The following MAPK6 variants were observed in gnomAD, a reference collection of about 807,000 sequenced individuals.
MAPK6 encodes ERK-3.
In MAPK6, 19 loss-of-function variants were observed where a neutral mutation model predicts 59.3. The ratio of observed to expected loss-of-function variants is 0.32; its 90% CI spans 0.22 to 0.47. The LOEUF is 0.47. MAPK6 is among the 20% of genes least tolerant of loss of function. The pLI is 1.00. For synonymous variants in MAPK6, 316 were observed against 290.3 expected (o/e 1.09, Z -0.90); for missense variants, 724 against 847.9 (o/e 0.85, Z 1.81).
chr15:51,974,715 A>ATTTC (rs2057152421), intron 1 of MAPK6, among the ~76,000 whole-genome samples: 1 of 149,132 alleles, frequency 6.7e-6, no homozygotes, highest in South Asian at 2.1e-4. Flanking sequence ...GGAATGGAGA[A>ATTTC]TTTCTTTTTT....
At chr15:51,973,003 T>C (rs1271659911) in intron 1 of MAPK6, among the ~76,000 whole-genome samples, 1 of 151,744 alleles carries the variant, frequency 6.6e-6, no homozygotes, top group Non-Finnish European at 1.5e-5. Context: ...AGTAAGGCTC[T>C]GTTTCTTAGA....
Position 52,058,141 on chromosome 15 carries a change from C to G in MAPK6, c.701-492C>G, listed in dbSNP as rs529545422. ...ACCACCTATTTAGCCTAAAGTTTCC[C>G]CCTTTATTTCTTTCATTGCCTAACA... On this transcript the variant is annotated intron_variant, in intron 3 of 5. Coordinates refer to ENST00000261845, the MANE Select transcript of MAPK6 (RefSeq NM_002748.4). 3.8e-4 allele frequency among the ~76,000 whole-genome samples: 58 copies of G among 152,270 alleles called. 1 individual carries two copies. The South Asian group carries it at 0.011, about 29-fold the overall frequency.
intron 1 of MAPK6, among the ~76,000 whole-genome samples, chr15:52,030,457 G>A (rs1219313082): frequency 1.3e-5 from 2 of 152,084 alleles, no homozygotes; most frequent in South Asian, 2.1e-4. Flanking sequence ...ATTGTACCCA[G>A]TGTAACGTGA....
intron 1 of MAPK6, among the ~76,000 whole-genome samples, chr15:51,977,366 C>A (rs17649820): frequency 2.2e-4 from 33 of 151,620 alleles, no homozygotes; most frequent in East Asian, 1.7e-3. Flanking sequence ...TAATGGTATC[C>A]GAAGGAAACT....
At chr15:52,027,916 G>A (rs1227632600) in intron 1 of MAPK6, 1 of 150,146 alleles carries the variant, frequency 6.7e-6, no homozygotes, top group South Asian at 2.1e-4. Flanking sequence ...GGGACTGCAG[G>A]TGCCCACCAC....
At position 52,046,739 on chromosome 15, in the gene MAPK6, C is replaced by T. The variant is rs147851662; in HGVS notation, c.279C>T (p.Asp93=). Reference sequence around the variant, plus strand: ...GTCCCAGTGGAAGCCAATTAACAGACGATGTGGGCTCTCTTACGGAACTGA... The same window carrying T: ...GTCCCAGTGGAAGCCAATTAACAGATGATGTGGGCTCTCTTACGGAACTGA... ...ILGPSGSQLT[D]DVGSLTELNS... The change falls in exon 2 of 6, where the codon GAC becomes GAT. Residue 93 remains aspartate (D), a synonymous_variant. Coordinates refer to ENST00000261845, the MANE Select transcript of MAPK6 (RefSeq NM_002748.4). 6 of 1,614,186 alleles carry T rather than the reference C, an allele frequency of 3.7e-6. No homozygotes were observed. The highest frequency in any genetic ancestry group is 2.2e-5 in the East Asian group (1 of 44,890).
rs79993337 is a variant in MAPK6 at position 51,974,067 on chromosome 15, A to G, written c.-880+2161A>G. Among the ~76,000 whole-genome samples the G allele has an allele frequency of 2.5e-3, 382 of 152,012 alleles. 4 individuals carry two copies. The highest frequency in any genetic ancestry group is 8.7e-3 in the African/African-American group (361 of 41,554). ...AAATCAATCACAATCATTTTGCAGT[A>G]TTTCTTACCTGAGGTTATCACTTTG... On this transcript the variant is annotated intron_variant, in intron 1 of 7. Coordinates refer to the MAPK6 transcript ENST00000691380.
chr15:51,973,965 A>C (rs1224841432), intron 1 of MAPK6, among the ~76,000 whole-genome samples: 1 of 151,702 alleles, frequency 6.6e-6, no homozygotes. Flanking sequence ...TTTTGGTTAC[A>C]CTTTATGCTG....
At position 52,052,333 on chromosome 15, in the gene MAPK6, G is replaced by A. The variant is rs561332192; in HGVS notation, c.700+2196G>A. Among the ~76,000 whole-genome samples the A allele has an allele frequency of 7.2e-5, 11 of 152,280 alleles. No individual in the cohort carries two copies. The South Asian group carries it at 2.3e-3, about 32-fold the overall frequency. The stretch of plus-strand genomic sequence containing the variant: ...GCTTGAGTGTCTTCATAATATGGTG[G>A]CTGGCTTCCTCTAGAACCAGTGATC... On this transcript the variant is annotated intron_variant, in intron 3 of 5. Coordinates refer to ENST00000261845, the MANE Select transcript of MAPK6 (RefSeq NM_002748.4).
At chr15:52,008,997 C>G (rs1204880241) in intron 3 of MAPK6, among the ~76,000 whole-genome samples, 3 of 152,314 alleles carry the variant, frequency 2.0e-5, no homozygotes, top group African/African-American at 7.2e-5. Flanking sequence ...GGCAGACCTA[C>G]TAAGCCTACC....
intron 3 of MAPK6, among the ~76,000 whole-genome samples, chr15:52,054,482 A>G (rs1386377196): frequency 6.6e-6 from 1 of 152,130 alleles, no homozygotes; most frequent in East Asian, 1.9e-4. Flanking sequence ...TTATCTTGAC[A>G]CTTTCATAAA....
intron 2 of MAPK6, among the ~76,000 whole-genome samples, chr15:51,997,483 C>G (rs545640838): frequency 6.6e-6 from 1 of 151,968 alleles, no homozygotes; most frequent in African/African-American, 2.4e-5. Flanking sequence ...GTCTCGAATT[C>G]CTGACCTCAA....
At chr15:52,039,267 G>A (rs2031337604) in intron 1 of MAPK6, among the ~76,000 whole-genome samples, 1 of 152,140 alleles carries the variant, frequency 6.6e-6, no homozygotes, top group African/African-American at 2.4e-5. Flanking sequence ...AAGTGCATGA[G>A]CCACCACGCC....
At chr15:52,026,581 C>T (rs571598587) in intron 1 of MAPK6, among the ~76,000 whole-genome samples, 89 of 152,160 alleles carry the variant, frequency 5.8e-4, no homozygotes, top group South Asian at 2.1e-3. Flanking sequence ...CGTGAGCCAC[C>T]GTGCCTGGCC....
rs28832044 is a variant in MAPK6, at chr15:51,996,955, T to C, written c.-769-7310T>C. Among the ~76,000 whole-genome samples the C allele has an allele frequency of 9.9e-3, 1,501 of 152,008 alleles. 26 individuals carry two copies. Among genetic ancestry groups the C allele is most frequent in the African/African-American group, 0.035 (1,445 of 41,460 alleles). On this transcript the variant is annotated intron_variant, in intron 2 of 7. Coordinates refer to the MAPK6 transcript ENST00000691380. The stretch of plus-strand genomic sequence containing the variant: ...GCCTTAGCCTCCCAGAGTGCTGGGA[T>C]TACAGGTGTGAATGACCATGCCAGG...
intron 4 of MAPK6, among the ~76,000 whole-genome samples, chr15:52,060,425 G>T (rs2032155181): frequency 6.6e-6 from 1 of 152,152 alleles, no homozygotes; most frequent in South Asian, 2.1e-4. Context: ...AGAAGACCGA[G>T]AGCATAAAGA....
chr15:52,049,351 A>ATTTT (rs60965378), intron 2 of MAPK6, among the ~76,000 whole-genome samples: 1 of 109,732 alleles, frequency 9.1e-6, no homozygotes, highest in South Asian at 3.2e-4. Flanking sequence ...GAGTTATATA[A>ATTTT]TTTTTTTTTT....
intron 3 of MAPK6, among the ~76,000 whole-genome samples, chr15:52,051,081 G>A (rs866686527): frequency 1.3e-5 from 2 of 151,078 alleles, no homozygotes; most frequent in South Asian, 2.1e-4. Context: ...TTTCTGAGAC[G>A]GAGTCTTGCT....
In MAPK6 at chr15:52,064,247, G is replaced by A. The variant is rs1482886130; in HGVS notation, c.1413G>A (p.Lys471=). The A allele has an allele frequency of 1.9e-6, 3 of 1,611,004 alleles. No homozygotes were observed. Among genetic ancestry groups the A allele is most frequent in the Non-Finnish European group, 2.5e-6 (3 of 1,179,526 alleles). ...ESEVNHYYEP[K]LIIDLSNWKE... ...AAGTTAACCATTACTATGAACCCAA[G>A]CTTATTATAGATCTTTCCAATTGGA... Residue 471 remains lysine, a synonymous_variant, in exon 6 of 6, where the codon AAG becomes AAA. Coordinates refer to ENST00000261845, the MANE Select transcript of MAPK6 (RefSeq NM_002748.4).
Sources: gnomAD v4.1 joint callset for allele counts (sites outside exome capture counted in the v4.1 genomes callset) on GRCh38, gnomAD v4.1.1 for gene constraint, MANE v1.5 for transcripts, NCBI Gene and HGNC (gene_info 2026-07-23, HGNC 2026-07-21) for gene names.